The following NIBAN3 variants were observed in gnomAD, a reference collection of about 807,000 sequenced individuals.
NIBAN3 encodes niban apoptosis regulator 3, also known as protein Niban 3.
NIBAN3 carries 66 observed loss-of-function variants against 76.4 expected under a neutral mutation model. The observed-to-expected ratio is 0.86, with a 90% CI of 0.71 to 1.06. The LOEUF is 1.06. Ranked by LOEUF, NIBAN3 falls within the 50% of genes least tolerant of loss-of-function variation. The pLI is 0.00. For synonymous variants in NIBAN3, 360 were observed against 355.2 expected (o/e 1.01, Z -0.15); for missense variants, 808 against 810.7 (o/e 1.00, Z 0.04).
At chr19:17,545,121 C>A (rs1039667368) in intron 12 of NIBAN3, 1 of 152,246 alleles carries the variant, frequency 6.6e-6, no homozygotes, top group African/African-American at 2.4e-5. Flanking sequence ...CATGACTGCA[C>A]CCCTGTAGTC....
intron 2 of NIBAN3, 136 bp from the exon 3 acceptor site, chr19:17,532,127 C>A: frequency 8.4e-7 from 1 of 1,195,782 alleles, no homozygotes. Flanking sequence ...CCCTTCCTGC[C>A]TAGGACTCTC....
chr19:17,542,381 G>C lies in NIBAN3; in HGVS notation c.1329+87G>C. ...GCTAAGTGTGCCCTGGAGAGACCACGATGATCGAGACAACTCCGCGGGGCT... is the reference window on the plus strand; with the variant it reads ...GCTAAGTGTGCCCTGGAGAGACCACCATGATCGAGACAACTCCGCGGGGCT... On this transcript the variant is annotated intron_variant, in intron 10 of 14. Coordinates refer to ENST00000599164, the MANE Select transcript of NIBAN3 (RefSeq NM_001321827.2). This position sits in a 1 kb window ranked among gnomAD's most constrained non-coding sequence, Gnocchi z 4.8. 7.1e-7 allele frequency: 1 copy of C among 1,404,068 alleles called. No homozygotes were observed. The highest frequency in any genetic ancestry group is 9.6e-7 in the Non-Finnish European group (1 of 1,039,924). The allele number at this position is 1,404,068 out of a possible 1,614,324, so 87.0% of individuals were successfully genotyped here. A position where few individuals can be genotyped will look rare whatever the true frequency, so the allele number is the denominator to read the frequency against.
intron 1 of NIBAN3, 46 bp downstream of exon 1, chr19:17,527,441 G>T (rs374327519): frequency 1.9e-4 from 275 of 1,473,982 alleles, no homozygotes; most frequent in Non-Finnish European, 2.1e-4. Context: ...GGTGGGTGGG[G>T]GCTCCAGCCA....
rs1315982467 is a variant in NIBAN3, at chr19:17,537,314, T to C, written c.428-62T>C. ...CATGCCAGGGACTGCTGTATGCATT[T>C]CAGGGGTATTTTCTCCTAGTGAATG... On this transcript the variant is annotated intron_variant, in intron 4 of 14. Transcript: ENST00000599164. 2.0e-6 allele frequency: 3 copies of C among 1,529,818 alleles called. No individual in the cohort carries two copies. In the Admixed American group the frequency reaches 5.2e-5, roughly 27 times the overall value. 94.8% of individuals were successfully genotyped at this position (1,529,818 alleles called of 1,614,324 possible).
chr19:17,539,463 G>C lies in NIBAN3; in HGVS notation c.816+12G>C, dbSNP rs774495821. 14 of 1,463,708 alleles carry C rather than the reference G, an allele frequency of 9.6e-6. No individual in the cohort carries two copies. Among genetic ancestry groups the C allele is most frequent in the Non-Finnish European group, 1.2e-5 (13 of 1,108,774 alleles). The allele number at this position is 1,463,708 out of a possible 1,614,324, so 90.7% of individuals were successfully genotyped here. A position where few individuals can be genotyped will look rare whatever the true frequency, so the allele number is the denominator to read the frequency against. Reference sequence around the variant, plus strand: ...GGGCCTGGACCGAGGTATGCACGGCGTCCGGATCCGGGATAGGGGGCGGGA... The same window carrying C: ...GGGCCTGGACCGAGGTATGCACGGCCTCCGGATCCGGGATAGGGGGCGGGA... On this transcript the variant is annotated intron_variant, in intron 7 of 14. Coordinates refer to ENST00000599164, the MANE Select transcript of NIBAN3 (RefSeq NM_001321827.2).
Position 17,552,075 on chromosome 19 carries a change from T to C in NIBAN3, c.*177T>C, listed in dbSNP as rs1328722320. The C allele has an allele frequency of 1.2e-5, 5 of 400,640 alleles. No individual in the cohort carries two copies. The highest frequency in any genetic ancestry group is 2.2e-5 in the Non-Finnish European group (5 of 229,162). The allele number at this position is 400,640 out of a possible 1,614,324, so 24.8% of individuals were successfully genotyped here. A position where few individuals can be genotyped will look rare whatever the true frequency, so the allele number is the denominator to read the frequency against. ...TGTATTTTCCCCAAGGCTTTCTTTA[T>C]TTTAATTTTTTTTTTTTTTTTGAGA... On this transcript the variant is annotated 3_prime_UTR_variant, in exon 15 of 15. Coordinates refer to ENST00000599164, the MANE Select transcript of NIBAN3 (RefSeq NM_001321827.2).
chr19:17,532,357 A>T lies in NIBAN3; in HGVS notation c.281A>T (p.Asp94Val). The T allele has an allele frequency of 6.2e-7, 1 of 1,613,980 alleles. No homozygotes were observed. The highest frequency in any genetic ancestry group is 8.5e-7 in the Non-Finnish European group (1 of 1,179,974). Residue 94 changes from aspartate to valine, a missense_variant, in exon 3 of 15, where the codon GAC becomes GTC. Coordinates refer to ENST00000599164, the MANE Select transcript of NIBAN3 (RefSeq NM_001321827.2). Reference protein sequence around the residue: ...WQPIFCVLRGDGRLEWFSHKE... With the variant: ...WQPIFCVLRGVGRLEWFSHKE... ...CCGATCTTCTGTGTTCTGCGTGGGGACGGCCGCCTAGAGTGGTTCAGCCAC... is the reference window on the plus strand; with the variant it reads ...CCGATCTTCTGTGTTCTGCGTGGGGTCGGCCGCCTAGAGTGGTTCAGCCAC...
At chr19:17,555,362 T>A (rs1416765358), downstream of NIBAN3, among the ~76,000 whole-genome samples, 2 of 151,690 alleles carry the variant, frequency 1.3e-5, no homozygotes, top group African/African-American at 4.8e-5. Flanking sequence ...ACAGCCCGGG[T>A]TTTATACATG....
chr19:17,528,816 T>G (rs1442949112), intron 1 of NIBAN3, among the ~76,000 whole-genome samples: 1 of 152,024 alleles, frequency 6.6e-6, no homozygotes, highest in African/African-American at 2.4e-5. Context: ...TGGGTCTACA[T>G]TCCATGCAGC....
rs766963992 is a variant in NIBAN3 at position 17,533,639 on chromosome 19, C to T, written c.365C>T (p.Thr122Met). The change falls in exon 4 of 15, where the codon ACG becomes ATG. Residue 122 changes from threonine (T) to methionine (M), a missense_variant. Thr to Met is a moderately conservative substitution (Grantham distance 81, BLOSUM62 -1). Coordinates refer to ENST00000599164, the MANE Select transcript of NIBAN3 (RefSeq NM_001321827.2). ...GGCTCAACAGCCCTGACAGGATACA[C>T]GCTCCTGACTTCCCAGCGAGAATAT... is the stretch of plus-strand genomic sequence containing the variant. ...CLGSTALTGY[T>M]LLTSQREYLR... The T allele has an allele frequency of 4.3e-5, 70 of 1,613,996 alleles. No homozygotes were observed. Among genetic ancestry groups the T allele is most frequent in the Middle Eastern group, 3.3e-4 (2 of 6,054 alleles).
At chr19:17,539,092 G>A in intron 5 of NIBAN3, 58 bp from the exon 6 acceptor site, 1 of 1,451,836 alleles carries the variant, frequency 6.9e-7, no homozygotes, top group Non-Finnish European at 9.3e-7. Context: ...TCCTCCCCGG[G>A]CCATCGGGAG....
chr19:17,551,215 C>T (rs376153362), intron 14 of NIBAN3, among the ~76,000 whole-genome samples: 1 of 151,940 alleles, frequency 6.6e-6, no homozygotes, highest in South Asian at 2.1e-4. Context: ...CCTGCCTCAG[C>T]CTCCCCAGTA....
At chr19:17,548,393 A>T (rs562076587) in intron 13 of NIBAN3, among the ~76,000 whole-genome samples, 1 of 152,126 alleles carries the variant, frequency 6.6e-6, no homozygotes, top group Non-Finnish European at 1.5e-5. Flanking sequence ...ACTGGAAGTG[A>T]GGGAGGAGGC....
intron 9 of NIBAN3, among the ~76,000 whole-genome samples, chr19:17,541,150 C>T (rs1226997342): frequency 6.6e-6 from 1 of 152,178 alleles, no homozygotes; most frequent in African/African-American, 2.4e-5. Context: ...TGTAGGGCAA[C>T]AACCCAGAGA....
At chr19:17,550,512 T>A (rs1342994941) in intron 14 of NIBAN3, among the ~76,000 whole-genome samples, 1 of 152,042 alleles carries the variant, frequency 6.6e-6, no homozygotes, top group Non-Finnish European at 1.5e-5. Flanking sequence ...ACAAAAATTT[T>A]AAAAATTAGT....
intron 8 of NIBAN3, 57 bp from the exon 9 acceptor site, chr19:17,540,335 C>A: frequency 7.6e-7 from 1 of 1,314,712 alleles, no homozygotes; most frequent in Non-Finnish European, 1.0e-6. Flanking sequence ...CCCTGCACAT[C>A]CCCATCTGTG....
At chr19:17,528,289 A>G (rs2075646973) in intron 1 of NIBAN3, among the ~76,000 whole-genome samples, 1 of 151,790 alleles carries the variant, frequency 6.6e-6, no homozygotes, top group South Asian at 2.1e-4. Flanking sequence ...ATGGGGTTTC[A>G]CCATTTTGGC....
chr19:17,539,382 C>A lies in NIBAN3; in HGVS notation c.747C>A (p.Pro249=). The A allele has an allele frequency of 6.5e-7, 1 of 1,541,526 alleles. No individual in the cohort carries two copies. The highest frequency in any genetic ancestry group is 8.7e-7 in the Non-Finnish European group (1 of 1,146,202). The stretch of plus-strand genomic sequence containing the variant: ...CGGTGCTGATGCGGGAGCAACTTCC[C>A]GCGCTGCGAGCCCAGACCCTTCCTG... The part of the protein sequence containing the change: ...LTAVLMREQL[P]ALRAQTLPGL... The change falls in exon 7 of 15, where the codon CCC becomes CCA. Residue 249 remains proline, a synonymous_variant. Transcript: ENST00000599164.
rs1309872543 is a variant in NIBAN3, at chr19:17,553,366, G to A, written c.*1468G>A. 2.5e-6 allele frequency: 4 copies of A among 1,614,000 alleles called. No homozygotes were observed. Among genetic ancestry groups the A allele is most frequent in the Non-Finnish European group, 3.4e-6 (4 of 1,180,014 alleles). Reference sequence around the variant, plus strand: ...CCTGGCTGGGAGACAAGCTTTTACCGACTTCCTCTGCTTGCCAGCAAAGTC... The same window carrying A: ...CCTGGCTGGGAGACAAGCTTTTACCAACTTCCTCTGCTTGCCAGCAAAGTC... On this transcript the variant is annotated 3_prime_UTR_variant, in exon 15 of 15. Coordinates refer to ENST00000599164, the MANE Select transcript of NIBAN3 (RefSeq NM_001321827.2).
Sources: allele counts gnomAD v4.1 joint callset (sites outside exome capture counted in the v4.1 genomes callset), GRCh38; gene constraint gnomAD v4.1.1; non-coding constraint Gnocchi (gnomAD v3.1); transcripts MANE v1.5; gene names NCBI Gene and HGNC (gene_info 2026-07-23, HGNC 2026-07-21).